RALYL: variants seen among roughly 807,000 people sequenced by gnomAD.
The protein encoded by RALYL is RALY RNA binding protein like.
In RALYL, 29 loss-of-function variants were observed where a neutral mutation model predicts 35.1. That is an observed-to-expected ratio of 0.83 (90% CI 0.61 to 1.13). The LOEUF is 1.13. Ranked by LOEUF, RALYL falls within the 50% of genes most tolerant of loss-of-function variation. The pLI, the probability that RALYL is intolerant of heterozygous loss-of-function variation, is 0.00. For missense variants in RALYL, 359 were observed against 360.4 expected (o/e 1.00, Z 0.03); for synonymous variants, 120 against 127.6 (o/e 0.94, Z 0.40).
At chr8:84,316,316 A>G (rs1843741401) in intron 1 of RALYL, among the ~76,000 whole-genome samples, 1 of 152,144 alleles carries the variant, frequency 6.6e-6, no homozygotes, top group South Asian at 2.1e-4. Flanking sequence ...TCTTTCTATA[A>G]CAACCTTTCA....
chr8:84,276,242 G>T (rs1166291612), intron 1 of RALYL, among the ~76,000 whole-genome samples: 1 of 152,096 alleles, frequency 6.6e-6, no homozygotes, highest in African/African-American at 2.4e-5. Context: ...TACGAATGTG[G>T]TCATGATTCT....
At chr8:84,443,497 A>T (rs2048545399) in intron 1 of RALYL, among the ~76,000 whole-genome samples, 1 of 152,148 alleles carries the variant, frequency 6.6e-6, no homozygotes, top group Non-Finnish European at 1.5e-5. Flanking sequence ...GCAAATATGA[A>T]CAAGGAATCT....
intron 2 of RALYL, among the ~76,000 whole-genome samples, chr8:84,729,905 C>G (rs1447115592): frequency 6.6e-6 from 1 of 152,064 alleles, no homozygotes; most frequent in East Asian, 1.9e-4. Context: ...GCTTACCAAC[C>G]AAAAAGAGTC....
At chr8:84,447,184 A>G (rs1414019217) in intron 1 of RALYL, among the ~76,000 whole-genome samples, 3 of 151,938 alleles carry the variant, frequency 2.0e-5, no homozygotes, top group African/African-American at 7.2e-5. Flanking sequence ...TTTATGACCT[A>G]TGTAACTGTT....
chr8:84,385,372 C>A (rs181620987), intron 1 of RALYL, among the ~76,000 whole-genome samples: 1 of 151,872 alleles, frequency 6.6e-6, no homozygotes. Context: ...AAAAGAAGTT[C>A]TTAAAAACCA....
intron 1 of RALYL, among the ~76,000 whole-genome samples, chr8:84,223,229 T>TTCCCC (rs2131336520): frequency 7.2e-6 from 1 of 138,550 alleles, no homozygotes; most frequent in South Asian, 2.6e-4. Context: ...TTCCCTTCCC[T>TTCCCC]TCCCTTCCCT....
chr8:84,588,556 G>T (rs1050610801), intron 2 of RALYL, among the ~76,000 whole-genome samples: 12 of 152,206 alleles, frequency 7.9e-5, no homozygotes, highest in Non-Finnish European at 1.5e-5. Flanking sequence ...TTCCAGATAT[G>T]CCATGGTGGA....
chr8:84,534,259 A>G (rs187453641), intron 2 of RALYL, among the ~76,000 whole-genome samples: 1 of 152,294 alleles, frequency 6.6e-6, no homozygotes, highest in Admixed American at 6.5e-5. Flanking sequence ...GTTCTTCCCT[A>G]TGAAGCTCTG....
At chr8:84,755,775 A>G (rs1269903234) in intron 2 of RALYL, among the ~76,000 whole-genome samples, 5 of 152,126 alleles carry the variant, frequency 3.3e-5, no homozygotes, top group African/African-American at 7.2e-5. Context: ...TAATTCTACA[A>G]TATTGTGCCT....
intron 1 of RALYL, among the ~76,000 whole-genome samples, chr8:84,431,234 G>A (rs564033875): frequency 6.6e-6 from 1 of 152,060 alleles, no homozygotes; most frequent in African/African-American, 2.4e-5. Flanking sequence ...GGCAGGAAGG[G>A]GCATCATAAA....
At chr8:84,685,778 G>C (rs1836640781) in intron 2 of RALYL, among the ~76,000 whole-genome samples, 1 of 152,168 alleles carries the variant, frequency 6.6e-6, no homozygotes, top group South Asian at 2.1e-4. Context: ...ATGTTTGTGT[G>C]TGTGTGAATA....
rs1554546342 is a variant in RALYL, at chr8:84,722,617, T to TATATATATATATA, written c.257-51962_257-51961insATATATATATATA. Among the ~76,000 whole-genome samples the TATATATATATATA allele has an allele frequency of 9.4e-3, 911 of 97,072 alleles. 50 individuals carry two copies. The highest frequency in any genetic ancestry group is 0.026 in the African/African-American group (493 of 19,140). The allele number at this position is 97,072 out of a possible 152,430, so 63.7% of individuals were successfully genotyped here. ...AGGTCAGTATATTCCTAGAGTGATT[T>TATATATATATATA]TATATATATATATATATATATATAT... On this transcript the variant is annotated intron_variant, in intron 2 of 8. Coordinates refer to ENST00000521268, the MANE Select transcript of RALYL (RefSeq NM_173848.7).
chr8:84,708,689 A>T (rs1295350180), intron 2 of RALYL, among the ~76,000 whole-genome samples: 1 of 152,188 alleles, frequency 6.6e-6, no homozygotes, highest in Non-Finnish European at 1.5e-5. Flanking sequence ...AAATTTATTT[A>T]ACTGTGAAGT....
At chr8:84,586,911 C>T (rs1307545458) in intron 2 of RALYL, among the ~76,000 whole-genome samples, 1 of 152,086 alleles carries the variant, frequency 6.6e-6, no homozygotes, top group African/African-American at 2.4e-5. Flanking sequence ...GAAAATGACT[C>T]ATTTGGTTCA....
At chr8:84,796,925 A>G (rs911525126) in intron 3 of RALYL, among the ~76,000 whole-genome samples, 3 of 152,202 alleles carry the variant, frequency 2.0e-5, no homozygotes, top group African/African-American at 7.2e-5. Flanking sequence ...TTTTCTTAAG[A>G]GTACAGAACA....
chr8:84,380,350 AT>A (rs1287074165), intron 1 of RALYL, among the ~76,000 whole-genome samples: 1 of 151,674 alleles, frequency 6.6e-6, no homozygotes, highest in Non-Finnish European at 1.5e-5. Context: ...CAACCAATGT[AT>A]TTTCTTTCTT....
chr8:84,302,493 T>C (rs1032345735), intron 1 of RALYL, among the ~76,000 whole-genome samples: 1 of 152,164 alleles, frequency 6.6e-6, no homozygotes, highest in African/African-American at 2.4e-5. Context: ...TCTTTACTCT[T>C]TTTATAGTGC....
intron 2 of RALYL, among the ~76,000 whole-genome samples, chr8:84,748,074 G>T (rs936863827): frequency 6.6e-6 from 1 of 151,906 alleles, no homozygotes; most frequent in Non-Finnish European, 1.5e-5. Context: ...TTAGCTGTTT[G>T]GGTAGGAAGG....
At chr8:84,412,949 A>T (rs1481680512) in intron 1 of RALYL, among the ~76,000 whole-genome samples, 1 of 151,978 alleles carries the variant, frequency 6.6e-6, no homozygotes. Context: ...GGAAGATAGA[A>T]AGCAAATTCA....
Sources: allele counts gnomAD v4.1 joint callset (sites outside exome capture counted in the v4.1 genomes callset), GRCh38; gene constraint gnomAD v4.1.1; transcripts MANE v1.5; gene names NCBI Gene and HGNC (gene_info 2026-07-23, HGNC 2026-07-21).